The following NBPF9 variants were observed in gnomAD, a reference collection of about 807,000 sequenced individuals.
NBPF9 encodes the protein NBPF family member NBPF9.
In NBPF9, 91 loss-of-function variants were observed where a neutral mutation model predicts 97.8. That is an observed-to-expected ratio of 0.93 (90% CI 0.79 to 1.11). NBPF9 has a LOEUF of 1.11. Among genes scored for constraint, NBPF9 ranks in the 50% least tolerant of loss-of-function variants. The pLI is 0.00. For synonymous variants in NBPF9, 334 were observed against 359.5 expected, an observed-to-expected ratio of 0.93 and a Z score of 0.80; for missense variants, 992 against 939.5, an observed-to-expected ratio of 1.06 and a Z score of -0.73.
At chr1:149,058,255 T>C in intron 26 of NBPF9, 40 bp from the exon 27 acceptor site, 4 of 321,272 alleles carry the variant, frequency 1.2e-5, no homozygotes, top group East Asian at 9.5e-5. Flanking sequence ...AATAAGCCAA[T>C]TCACCTACAC....
chr1:149,087,350 CGTTT>C, intron 5 of NBPF9, among the ~76,000 whole-genome samples: 1 of 148,568 alleles, frequency 6.7e-6, no homozygotes, highest in Non-Finnish European at 1.5e-5. Context: ...CACACACACA[CGTTT>C]GTGTGTGTAT....
chr1:149,052,197 GTTCT>G (rs1452195482), downstream of NBPF9, among the ~76,000 whole-genome samples: 3 of 151,076 alleles, frequency 2.0e-5, no homozygotes, highest in South Asian at 2.1e-4. Flanking sequence ...TAGGTAAAGT[GTTCT>G]TTATTATCAA....
intron 12 of NBPF9, 39 bp downstream of exon 12, chr1:149,075,616 C>T (rs1242430011): frequency 1.1e-5 from 17 of 1,546,458 alleles, no homozygotes; most frequent in Non-Finnish European, 1.3e-5. Context: ...GACAGGACGT[C>T]GTTCATCACT....
chr1:149,072,144 T>C (rs1188590128), intron 14 of NBPF9, among the ~76,000 whole-genome samples: 1 of 150,958 alleles, frequency 6.6e-6, no homozygotes, highest in African/African-American at 2.4e-5. Context: ...ATTCTATCCA[T>C]GGGGAGTGCT....
chr1:149,076,586 T>C (rs2079893394), intron 11 of NBPF9, among the ~76,000 whole-genome samples: 1 of 149,466 alleles, frequency 6.7e-6, no homozygotes, highest in Admixed American at 6.7e-5. Context: ...CACTGCAAGC[T>C]CCGGTTCCTG....
intron 26 of NBPF9, 162 bp downstream of exon 26, chr1:149,058,763 C>T (rs2078405071): frequency 4.8e-6 from 3 of 625,334 alleles, no homozygotes; most frequent in South Asian, 1.8e-5. Flanking sequence ...CATGTCTAGG[C>T]TTCCAACTGA....
exon 16 of NBPF9, chr1:149,070,998 G>C (rs782647961): frequency 1.2e-6 from 2 of 1,612,276 alleles, no homozygotes; most frequent in Non-Finnish European, 1.7e-6. Context: ...GAGTTGAGTC[G>C]ACTTTGTCTT....
At chr1:149,093,373 C>T (rs1486426528) in intron 4 of NBPF9, among the ~76,000 whole-genome samples, 2 of 151,868 alleles carry the variant, frequency 1.3e-5, no homozygotes, top group African/African-American at 4.8e-5. Context: ...CCTCTTATCT[C>T]AACTGCAAAG....
intron 14 of NBPF9, among the ~76,000 whole-genome samples, chr1:149,072,430 C>T (rs1483165730): frequency 1.3e-5 from 2 of 152,114 alleles, no homozygotes; most frequent in Admixed American, 6.5e-5. Context: ...CTCTAACAAG[C>T]CTGCTCCCAT....
chr1:149,054,165 G>C (rs2078065650), exon 30 of NBPF9: 1 of 145,566 alleles, frequency 6.9e-6, no homozygotes, highest in African/African-American at 2.6e-5. Flanking sequence ...TAATTGTATA[G>C]ATTAAAATTA....
chr1:149,101,247 T>A lies in NBPF9; in HGVS notation c.-606+15A>T, dbSNP rs1350933712. On this transcript the variant is annotated intron_variant, in intron 3 of 29. Transcript: ENST00000584027. ...ACTAAAAATACAGAAAAGAGCTGAG[T>A]GTGGTGGTGCTCACCTGTAGGTCCC... 6.7e-6 allele frequency: 1 copy of A among 148,842 alleles called. No individual in the cohort carries two copies. The highest frequency in any genetic ancestry group is 2.5e-5 in the African/African-American group (1 of 40,368). 9.2% of individuals were successfully genotyped at this position (148,842 alleles called of 1,614,324 possible). A position where few individuals can be genotyped will look rare whatever the true frequency, so the allele number is the denominator to read the frequency against.
rs1294672394 is a variant in NBPF9 at position 149,059,291 on chromosome 1, G to GAGAGAC, written c.2586-200_2586-195dup. The GAGAGAC allele has an allele frequency of 1.6e-5, 8 of 484,990 alleles. 2 individuals carry two copies. Among genetic ancestry groups the GAGAGAC allele is most frequent in the African/African-American group, 9.7e-5 (4 of 41,136 alleles). 30.0% of individuals were successfully genotyped at this position (484,990 alleles called of 1,614,324 possible). On this transcript the variant is annotated intron_variant, in intron 25 of 29. Transcript: ENST00000584027. ...GAAAAGAATGAAAGAGAAAGACAGG[G>GAGAGAC]AGAGACAGAGACAGAGACAGAGAGA...
rs1404320128 is a variant in NBPF9, at chr1:149,077,866, T to C, written c.566+17A>G. 186 of 1,581,326 alleles carry C rather than the reference T, an allele frequency of 1.2e-4. 3 individuals are homozygous for C. Among genetic ancestry groups the C allele is most frequent in the Non-Finnish European group, 1.5e-4 (177 of 1,152,274 alleles). Reference sequence around the variant, plus strand: ...TATGTTACCACCCATTACTTGCTCCTGAGTATTCAGTGTTACCTGGGGGCA... The same window carrying C: ...TATGTTACCACCCATTACTTGCTCCCGAGTATTCAGTGTTACCTGGGGGCA... On this transcript the variant is annotated intron_variant, in intron 10 of 29. Transcript: ENST00000584027.
At chr1:149,084,082 C>T (rs1340590472) in intron 5 of NBPF9, among the ~76,000 whole-genome samples, 2 of 151,132 alleles carry the variant, frequency 1.3e-5, no homozygotes, top group East Asian at 1.9e-4. Flanking sequence ...TGTTCTCACT[C>T]ATGGGTGGGA....
chr1:149,069,693 C>G (rs782413364), intron 16 of NBPF9, 48 bp from the exon 17 acceptor site: 1 of 801,708 alleles, frequency 1.2e-6, no homozygotes, highest in South Asian at 1.3e-5. Flanking sequence ...ATTCATACTT[C>G]ACATATGAAC....
In NBPF9 at chr1:149,058,366, G is replaced by C. The variant is rs1420680209; in HGVS notation, c.2759-151C>G. On this transcript the variant is annotated intron_variant, in intron 26 of 29. Coordinates refer to ENST00000584027, the Ensembl canonical transcript of NBPF9. ...TATACTTCAGGAGGCCTGAAAGCTG[G>C]TCATGATATTCTTTGGTTTGCATCT... is the stretch of plus-strand genomic sequence containing the variant. Among the ~76,000 whole-genome samples the C allele has an allele frequency of 3.5e-5, 3 of 85,764 alleles. 1 individual carries two copies. The highest frequency in any genetic ancestry group is 1.4e-3 in the East Asian group (2 of 1,456). The allele number at this position is 85,764 out of a possible 152,430, so 56.3% of individuals were successfully genotyped here.
At position 149,077,923 on chromosome 1, in the gene NBPF9, C is replaced by T. The variant is rs1242615004; in HGVS notation, c.526G>A (p.Val176Ile). The change falls in exon 10 of 30, where the codon GTT becomes ATT. Residue 176 changes from valine (V) to isoleucine (I), a missense_variant. Val to Ile is a conservative substitution (Grantham distance 29). Transcript: ENST00000584027. The stretch of plus-strand genomic sequence containing the variant: ...TCCAGTACTTTCTCATCCTCCTCAA[C>T]TTGAACATCTTCATCCTCATCTTCG... The T allele has an allele frequency of 1.4e-5, 21 of 1,518,274 alleles. 1 individual carries two copies. The highest frequency in any genetic ancestry group is 9.0e-5 in the East Asian group (4 of 44,398). 94.1% of individuals were successfully genotyped at this position (1,518,274 alleles called of 1,614,324 possible).
chr1:149,062,113 C>G (rs1191469588), exon 22 of NBPF9: 1 of 1,182,954 alleles, frequency 8.5e-7, no homozygotes. Context: ...AAGAGCCAAG[C>G]CAAGGTACTG....
chr1:149,061,491 A>G lies in NBPF9; in HGVS notation c.2252-108T>C, dbSNP rs1467312540. The G allele has an allele frequency of 5.8e-4, 277 of 479,518 alleles. 36 individuals are homozygous for G. The Middle Eastern group carries it at 0.011, about 20-fold the overall frequency. 29.7% of individuals were successfully genotyped at this position (479,518 alleles called of 1,614,324 possible). On this transcript the variant is annotated intron_variant, in intron 22 of 29. Transcript: ENST00000584027. ...GGATCTCAGGCTCCTCAGCATGAGCACAGGACAATGTGACAGATATACTTC... is the reference window on the plus strand; with the variant it reads ...GGATCTCAGGCTCCTCAGCATGAGCGCAGGACAATGTGACAGATATACTTC...
Sources: gnomAD v4.1 joint callset for allele counts (sites outside exome capture counted in the v4.1 genomes callset) on GRCh38, gnomAD v4.1.1 for gene constraint, MANE v1.5 for transcripts, NCBI Gene and HGNC (gene_info 2026-07-23, HGNC 2026-07-21) for gene names.